CACFD1: variants seen among roughly 807,000 people sequenced by gnomAD.
CACFD1 encodes the protein calcium channel flower domain containing 1.
Under a neutral mutation model 21.3 loss-of-function variants are expected in CACFD1, and 26 were observed. The observed-to-expected ratio is 1.22, with a 90% CI of 0.89 to 1.69. CACFD1 has a LOEUF of 1.69. Ranked by LOEUF, CACFD1 falls within the 40% of genes most tolerant of loss-of-function variation. The probability of loss-of-function intolerance (pLI) is 0.00; values close to 1 mark genes in which losing one functional copy is unlikely to be tolerated. For synonymous variants in CACFD1, 121 were observed against 106.6 expected (o/e 1.13, Z -0.83); for missense variants, 265 against 236.2 (o/e 1.12, Z -0.80).
At chr9:133,467,344 CGACCCCGCA>C (rs587660562) in intron 3 of CACFD1, among the ~76,000 whole-genome samples, 1 of 152,200 alleles carries the variant, frequency 6.6e-6, no homozygotes. Flanking sequence ...AGGTCTGGGC[CGACCCCGCA>C]GACCCCGCAG....
At position 133,465,433 on chromosome 9, in the gene CACFD1, T is replaced by C. The variant is rs1843398632; in HGVS notation, c.306T>C (p.Ala102=). The change falls in exon 3 of 5, where the codon GCT becomes GCC. Residue 102 remains alanine (A), a synonymous_variant. Transcript: ENST00000316948. This position sits in a 1 kb window ranked among gnomAD's most constrained non-coding sequence, Gnocchi z 5.0. Reference sequence around the variant, plus strand: ...ACCGGCTGCGCTCCTGGCAGAAGGCTGTCTTCTACTGCGGGTGAGGGGTTG... The same window carrying C: ...ACCGGCTGCGCTCCTGGCAGAAGGCCGTCTTCTACTGCGGGTGAGGGGTTG... ...KVDRLRSWQK[A]VFYCGMAVVP... is the part of the protein sequence containing the mutation. The C allele has an allele frequency of 6.2e-7, 1 of 1,611,402 alleles. No individual in the cohort carries two copies. Among genetic ancestry groups the C allele is most frequent in the African/African-American group, 1.3e-5 (1 of 74,898 alleles).
Position 133,470,222 on chromosome 9 carries a change from TGTGTATGTATATGTGTGTGG to T in CACFD1, c.*1573_*1592del, listed in dbSNP as rs1383488405. ...GTGTGTGTGTGTGTGTGTGTGTGTG[TGTGTATGTATATGTGTGTGG>T]GTGCACACATCTGTCCCATGTATGC... On this transcript the variant is annotated 3_prime_UTR_variant, in exon 5 of 5. Transcript: ENST00000316948. The T allele has an allele frequency of 1.3e-3, 199 of 148,778 alleles. No individual in the cohort carries two copies. The highest frequency in any genetic ancestry group is 2.2e-3 in the Non-Finnish European group (148 of 66,946). The allele number at this position is 148,778 out of a possible 1,614,324, so 9.2% of individuals were successfully genotyped here. A position where few individuals can be genotyped will look rare whatever the true frequency, so the allele number is the denominator to read the frequency against.
chr9:133,461,894 GT>G, intron 1 of CACFD1: 1 of 985,428 alleles, frequency 1.0e-6, no homozygotes. Flanking sequence ...TGGTCCTTGG[GT>G]AAGGTTTTCC....
rs1219894312 is a variant in CACFD1 at position 133,459,988 on chromosome 9, C to A, written c.-79C>A. On this transcript the variant is annotated 5_prime_UTR_variant, in exon 1 of 5. Transcript: ENST00000316948. ...CTATGCTAATATGCTCCCTCTCCCACAAGGCAGCGCGCCGGCTCGGACGCG... is the reference window on the plus strand; with the variant it reads ...CTATGCTAATATGCTCCCTCTCCCAAAAGGCAGCGCGCCGGCTCGGACGCG... The A allele has an allele frequency of 2.8e-6, 4 of 1,445,414 alleles. No individual in the cohort carries two copies. The highest frequency in any genetic ancestry group is 1.4e-5 in the South Asian group (1 of 72,060). The allele number at this position is 1,445,414 out of a possible 1,614,324, so 89.5% of individuals were successfully genotyped here.
intron 4 of CACFD1, chr9:133,468,325 C>T (rs1843526859): frequency 6.5e-7 from 1 of 1,533,912 alleles, no homozygotes; most frequent in Non-Finnish European, 8.7e-7. Flanking sequence ...TCAGTTGCCA[C>T]CCTCTCTCCT....
Position 133,469,568 on chromosome 9 carries a change from C to A in CACFD1, c.*915C>A. The A allele has an allele frequency of 6.6e-6, 1 of 152,612 alleles. No homozygotes were observed. 9.5% of individuals were successfully genotyped at this position (152,612 alleles called of 1,614,324 possible). On this transcript the variant is annotated 3_prime_UTR_variant, in exon 5 of 5. Coordinates refer to ENST00000316948, the MANE Select transcript of CACFD1 (RefSeq NM_017586.5). ...CTGCCTTTTAAGAACTGGGCAGAGG[C>A]CACAGTCACCTCCCCACACAGAGCT...
rs759715147 is a variant in CACFD1 at position 133,463,575 on chromosome 9, C to T, written c.194+20C>T. Reference sequence around the variant, plus strand: ...GATGATGTGAGTAATGCATGGCCGTCCCACCCCGGGGGTCTTGCTGGTCGG... The same window carrying T: ...GATGATGTGAGTAATGCATGGCCGTTCCACCCCGGGGGTCTTGCTGGTCGG... On this transcript the variant is annotated intron_variant, in intron 2 of 4. Transcript: ENST00000316948. 69 of 1,613,058 alleles carry T rather than the reference C, an allele frequency of 4.3e-5. No individual in the cohort carries two copies. The highest frequency in any genetic ancestry group is 5.6e-5 in the Non-Finnish European group (66 of 1,179,354).
At chr9:133,463,440 G>A (rs1482208848) in intron 1 of CACFD1, 43 bp from the exon 2 acceptor site, 43 of 1,612,952 alleles carry the variant, frequency 2.7e-5, no homozygotes, top group Non-Finnish European at 3.5e-5. Context: ...AGCGGGCTCC[G>A]CCTGCCTCCC....
intron 3 of CACFD1, among the ~76,000 whole-genome samples, chr9:133,467,610 A>G (rs369679935): frequency 6.6e-6 from 1 of 152,224 alleles, no homozygotes; most frequent in African/African-American, 2.4e-5. Flanking sequence ...TCTCTGTCAC[A>G]GGCTCTTTCT....
intron 2 of CACFD1, among the ~76,000 whole-genome samples, chr9:133,464,285 C>T (rs587697340): frequency 4.6e-5 from 7 of 152,112 alleles, no homozygotes; most frequent in Admixed American, 2.0e-4. Flanking sequence ...TGGAGAGCCT[C>T]GGGGGCCTGC....
chr9:133,462,122 G>A (rs1386697234), intron 1 of CACFD1: 1 of 1,303,738 alleles, frequency 7.7e-7, no homozygotes, highest in East Asian at 5.5e-5. Context: ...TTGACACCTG[G>A]TCCTCCCCCA....
intron 1 of CACFD1, among the ~76,000 whole-genome samples, chr9:133,461,482 T>C (rs1412298527): frequency 6.6e-6 from 1 of 152,244 alleles, no homozygotes; most frequent in African/African-American, 2.4e-5. Flanking sequence ...CTGTCATGTC[T>C]GGTTAGCTGT....
In CACFD1 at chr9:133,463,811, T is replaced by G. The variant is rs782502235; in HGVS notation, c.194+256T>G. On this transcript the variant is annotated intron_variant, in intron 2 of 4. Transcript: ENST00000316948. ...CAGGGAATGCCCACCCCGGCCTTCATCCGGTGCAGGGGCAAGGCCATCAGT... is the reference window on the plus strand; with the variant it reads ...CAGGGAATGCCCACCCCGGCCTTCAGCCGGTGCAGGGGCAAGGCCATCAGT... Among the ~76,000 whole-genome samples, 64 of 152,356 alleles carry G rather than the reference T, an allele frequency of 4.2e-4. No homozygotes were observed. In the Middle Eastern group the frequency reaches 0.01, roughly 24 times the overall value.
At chr9:133,462,044 GC>G (rs782294816) in intron 1 of CACFD1, 29 of 1,284,666 alleles carry the variant, frequency 2.3e-5, no homozygotes, top group Non-Finnish European at 2.7e-5. Flanking sequence ...CAGCATTGAG[GC>G]CCCCAAGTGG....
intron 1 of CACFD1, among the ~76,000 whole-genome samples, chr9:133,462,569 T>C (rs2130988467): frequency 6.6e-6 from 1 of 152,358 alleles, no homozygotes; most frequent in African/African-American, 2.4e-5. Context: ...TGCTAATTGC[T>C]GCCTCCAAGG....
At chr9:133,468,352 G>A in intron 4 of CACFD1, 11 of 1,535,814 alleles carry the variant, frequency 7.2e-6, no homozygotes, top group Non-Finnish European at 8.7e-6. Context: ...CCCAGACTGA[G>A]GCTGGTTCCT....
Position 133,460,142 on chromosome 9 carries a change from T to A in CACFD1, c.76T>A (p.Trp26Arg), listed in dbSNP as rs1554797951. 2 of 1,559,956 alleles carry A rather than the reference T, an allele frequency of 1.3e-6. No homozygotes were observed. The highest frequency in any genetic ancestry group is 1.4e-5 in the African/African-American group (1 of 73,188). ...CGCGCAGGAAGAGGGCATGACGTGG[T>A]GGTACCGCTGGCTGTGTCGCCTGTC... ...PPAQEEGMTWWYRWLCRLSGV... is the reference protein window; with the variant it reads ...PPAQEEGMTWRYRWLCRLSGV... Residue 26 changes from tryptophan to arginine, a missense_variant, in exon 1 of 5, where the codon TGG becomes AGG. Coordinates refer to ENST00000316948, the MANE Select transcript of CACFD1 (RefSeq NM_017586.5).
chr9:133,467,997 G>C lies in CACFD1; in HGVS notation c.397G>C (p.Val133Leu). The change falls in exon 4 of 5, where the codon GTG becomes CTG. Residue 133 changes from valine to leucine, a missense_variant. Val to Leu is a conservative substitution (Grantham distance 32). Coordinates refer to ENST00000316948, the MANE Select transcript of CACFD1 (RefSeq NM_017586.5). ...CAACGCCATCGCCTTTGCTACGGGG[G>C]TGCTGTACGGACTCTCTGCTCTGGG... ...LGNAIAFATGVLYGLSALGKK... is the reference protein window; with the variant it reads ...LGNAIAFATGLLYGLSALGKK... The C allele has an allele frequency of 6.2e-7, 1 of 1,613,948 alleles. No individual in the cohort carries two copies.
rs1554798920 is a variant in CACFD1, at chr9:133,463,532, C to T, written c.171C>T (p.Asn57=). ...LFNCITIHPL[N]IAAGVWMIMN... is the part of the protein sequence containing the mutation. ...ACTGCATCACCATCCACCCTCTGAA[C>T]ATTGCGGCCGGCGTGTGGATGATGT... is the stretch of plus-strand genomic sequence containing the variant. The change falls in exon 2 of 5, where the codon AAC becomes AAT. Residue 57 remains asparagine, a synonymous_variant. Coordinates refer to ENST00000316948, the MANE Select transcript of CACFD1 (RefSeq NM_017586.5). 1 of 1,614,132 alleles carries T rather than the reference C, an allele frequency of 6.2e-7. No homozygotes were observed. Among genetic ancestry groups the T allele is most frequent in the East Asian group, 2.2e-5 (1 of 44,884 alleles).
Sources: allele counts gnomAD v4.1 joint callset (sites outside exome capture counted in the v4.1 genomes callset), GRCh38; gene constraint gnomAD v4.1.1; non-coding constraint Gnocchi (gnomAD v3.1); transcripts MANE v1.5; gene names NCBI Gene and HGNC (gene_info 2026-07-23, HGNC 2026-07-21).